The following PTPRN2 variants were observed in gnomAD, a reference collection of about 807,000 sequenced individuals.
PTPRN2 encodes protein tyrosine phosphatase receptor type N2, also known as receptor-type tyrosine-protein phosphatase N2.
Under a neutral mutation model 118.8 loss-of-function variants are expected in PTPRN2, and 74 were observed. The ratio of observed to expected loss-of-function variants is 0.62; its 90% confidence interval spans 0.52 to 0.76. The LOEUF (loss-of-function observed/expected upper bound fraction) is 0.76, where lower values mean the gene tolerates loss of function less well. PTPRN2 is among the 30% of genes least tolerant of loss of function. The pLI is 0.00. For missense variants in PTPRN2, 1,481 were observed against 1,394.4 expected (o/e 1.06, Z -0.99); for synonymous variants, 641 against 608.0 (o/e 1.05, Z -0.80).
intron 5 of PTPRN2, among the ~76,000 whole-genome samples, chr7:158,170,603 A>G (rs1823451937): frequency 6.6e-6 from 1 of 152,234 alleles, no homozygotes; most frequent in South Asian, 2.1e-4. Context: ...AATAGCAAAC[A>G]TCGGTTTTTG....
At chr7:158,414,296 G>A (rs944573729) in intron 2 of PTPRN2, among the ~76,000 whole-genome samples, 3 of 152,186 alleles carry the variant, frequency 2.0e-5, no homozygotes, top group Admixed American at 1.3e-4. Flanking sequence ...CAAAGGGGCT[G>A]ACAGGGAGCA....
At chr7:157,976,504 C>T (rs1254932919) in intron 11 of PTPRN2, among the ~76,000 whole-genome samples, 1 of 148,732 alleles carries the variant, frequency 6.7e-6, no homozygotes, top group Non-Finnish European at 1.5e-5. Flanking sequence ...TTCCCAGGTT[C>T]TCGCCCACTC....
intron 12 of PTPRN2, among the ~76,000 whole-genome samples, chr7:157,714,228 C>G (rs1291857760): frequency 6.6e-6 from 1 of 152,228 alleles, no homozygotes; most frequent in East Asian, 1.9e-4. Context: ...GTGTGCATCA[C>G]TGAGTTTGAC....
intron 1 of PTPRN2, among the ~76,000 whole-genome samples, chr7:158,523,752 G>A (rs1346027394): frequency 9.4e-6 from 1 of 106,442 alleles, no homozygotes. Context: ...GTCTGCCCTG[G>A]AGTGGAGTCG....
At chr7:157,568,819 C>G (rs1428284657) in intron 21 of PTPRN2, 83 bp downstream of exon 21, 1 of 1,423,016 alleles carries the variant, frequency 7.0e-7, no homozygotes, top group African/African-American at 1.4e-5. Flanking sequence ...TCCAGGGCCT[C>G]CCGTGAACAC....
chr7:157,643,814 C>T (rs1443601141), intron 14 of PTPRN2, among the ~76,000 whole-genome samples: 2 of 152,242 alleles, frequency 1.3e-5, no homozygotes, highest in South Asian at 2.1e-4. Flanking sequence ...CCAGCCTCTC[C>T]GTCAGGCCTC....
chr7:158,115,860 G>A (rs1816686487), intron 9 of PTPRN2, among the ~76,000 whole-genome samples: 1 of 152,228 alleles, frequency 6.6e-6, no homozygotes, highest in South Asian at 2.1e-4. Flanking sequence ...GGCATCAGGT[G>A]AAGATATGAC....
chr7:157,595,261 C>A lies in PTPRN2; in HGVS notation c.2473G>T (p.Ala825Ser). 1.2e-6 allele frequency: 2 copies of A among 1,614,150 alleles called. No individual in the cohort carries two copies. The highest frequency in any genetic ancestry group is 1.7e-6 in the Non-Finnish European group (2 of 1,180,018). ...ACCTGCCAAAAGTCAGCCACGGTGGCGGGCAGCGGTCCCTGGGTGGCGATG... is the reference window on the plus strand; with the variant it reads ...ACCTGCCAAAAGTCAGCCACGGTGGAGGGCAGCGGTCCCTGGGTGGCGATG... ...AYIATQGPLP[A>S]TVADFWQMVW... The change falls in exon 17 of 23, where the codon GCC becomes TCC. Residue 825 changes from alanine to serine, a missense_variant. Ala to Ser is a moderately conservative substitution (Grantham distance 99). Transcript: ENST00000389418.
chr7:157,970,530 A>C (rs1367364329), intron 11 of PTPRN2, among the ~76,000 whole-genome samples: 3 of 152,002 alleles, frequency 2.0e-5, no homozygotes, highest in African/African-American at 7.2e-5. Context: ...CGTCCTCACC[A>C]TTGGTGCGGG....
intron 12 of PTPRN2, among the ~76,000 whole-genome samples, chr7:157,890,973 C>A (rs1584960815): frequency 6.6e-6 from 1 of 152,206 alleles, no homozygotes; most frequent in East Asian, 1.9e-4. Flanking sequence ...CCCTGACAAG[C>A]AGGGGCAGCT....
intron 12 of PTPRN2, among the ~76,000 whole-genome samples, chr7:157,846,512 C>A (rs1374702047): frequency 6.6e-6 from 1 of 152,000 alleles, no homozygotes; most frequent in Non-Finnish European, 1.5e-5. Context: ...AATTTTGGGG[C>A]CGGAACGGAG....
At chr7:157,822,410 C>T (rs910490075) in intron 12 of PTPRN2, among the ~76,000 whole-genome samples, 1 of 151,942 alleles carries the variant, frequency 6.6e-6, no homozygotes, top group Non-Finnish European at 1.5e-5. Flanking sequence ...TATCCATTAA[C>T]TATCCATCCA....
At chr7:158,203,225 C>CAAAAAAAAAAAAAA (rs56016358) in intron 4 of PTPRN2, among the ~76,000 whole-genome samples, 1 of 50,340 alleles carries the variant, frequency 2.0e-5, no homozygotes, top group African/African-American at 6.5e-5. Flanking sequence ...AAGCAAGAGC[C>CAAAAAAAAAAAAAA]AAAAAAAAAA....
chr7:157,715,177 A>C (rs1436378688), intron 12 of PTPRN2, among the ~76,000 whole-genome samples: 1 of 152,192 alleles, frequency 6.6e-6, no homozygotes, highest in Non-Finnish European at 1.5e-5. Flanking sequence ...CACCCCCTGC[A>C]GGGTGGGAGA....
Position 157,794,159 on chromosome 7 carries a change from G to C in PTPRN2, c.1788+104514C>G, listed in dbSNP as rs1398295381. Among the ~76,000 whole-genome samples the C allele has an allele frequency of 6.6e-6, 1 of 151,152 alleles. No individual in the cohort carries two copies. Among genetic ancestry groups the C allele is most frequent in the African/African-American group, 2.4e-5 (1 of 40,992 alleles). On this transcript the variant is annotated intron_variant, in intron 12 of 22. Transcript: ENST00000389418. The surrounding 1 kb of genome is among the most constrained non-coding windows in gnomAD (Gnocchi z 5.2). ...CCCCTCGTTCTCTGCTCTGACCCGG[G>C]CTCGCACCTCTCCTCGTTCTCTGCC...
At chr7:158,279,746 G>A (rs142529429) in intron 3 of PTPRN2, among the ~76,000 whole-genome samples, 2,126 of 152,210 alleles carry the variant, frequency 0.014, 49 homozygotes, top group African/African-American at 0.048. Flanking sequence ...AGAGGGAGCC[G>A]GCTCCGGCCT....
chr7:158,162,682 G>A (rs2150574883), intron 6 of PTPRN2, among the ~76,000 whole-genome samples: 1 of 83,532 alleles, frequency 1.2e-5, no homozygotes, highest in African/African-American at 3.7e-5. Flanking sequence ...CCCCACCTTA[G>A]ATAGGCCTTC....
chr7:158,126,661 C>T lies in PTPRN2; in HGVS notation c.1556+7016G>A, dbSNP rs180930685. Among the ~76,000 whole-genome samples, 840 of 144,768 alleles carry T rather than the reference C, an allele frequency of 5.8e-3. 24 individuals carry two copies. The highest frequency in any genetic ancestry group is 0.02 in the African/African-American group (781 of 38,202). 95.0% of individuals were successfully genotyped at this position (144,768 alleles called of 152,430 possible). On this transcript the variant is annotated intron_variant, in intron 9 of 22. Transcript: ENST00000389418. ...CGGAACTTCCTCTCCACCACACCAGCCCCCAGGACAGCGGGCGGCGGAACT... is the reference window on the plus strand; with the variant it reads ...CGGAACTTCCTCTCCACCACACCAGTCCCCAGGACAGCGGGCGGCGGAACT...
At chr7:158,482,817 T>C (rs909831878) in intron 2 of PTPRN2, among the ~76,000 whole-genome samples, 3 of 151,168 alleles carry the variant, frequency 2.0e-5, no homozygotes, top group Non-Finnish European at 4.4e-5. Context: ...TGGGAATTGA[T>C]ATGCAATGTT....
Sources: gnomAD v4.1 joint callset for allele counts (sites outside exome capture counted in the v4.1 genomes callset) on GRCh38, gnomAD v4.1.1 for gene constraint, Gnocchi (gnomAD v3.1) non-coding constraint, MANE v1.5 for transcripts, NCBI Gene and HGNC (gene_info 2026-07-23, HGNC 2026-07-21) for gene names.